SIRT1: variants seen among roughly 807,000 people sequenced by gnomAD.
SIRT1 encodes NAD-dependent protein deacetylase sirtuin-1.
A neutral mutation model predicts 67.9 loss-of-function variants in SIRT1; 24 were observed. The observed-to-expected ratio is 0.35, with a 90% CI of 0.26 to 0.50. SIRT1 has a LOEUF of 0.50. Ranked by LOEUF, SIRT1 falls within the 20% of genes least tolerant of loss-of-function variation. SIRT1 has a pLI of 0.98. For missense variants in SIRT1, 873 were observed against 937.2 expected, an observed-to-expected ratio of 0.93 and a Z score of 0.89; for synonymous variants, 378 against 350.7, an observed-to-expected ratio of 1.08 and a Z score of -0.87.
rs1053224730 is a variant in SIRT1 at position 67,884,852 on chromosome 10, T to A, written c.131T>A (p.Leu44His). The A allele has an allele frequency of 3.1e-4, 377 of 1,212,774 alleles. 1 individual carries two copies. Among genetic ancestry groups the A allele is most frequent in the Non-Finnish European group, 3.7e-4 (358 of 976,820 alleles). 75.1% of individuals were successfully genotyped at this position (1,212,774 alleles called of 1,614,324 possible). ...RKRPRRDGPG[L>H]ERSPGEPGGA... ...AGGCCGCGGAGAGATGGTCCCGGCCTCGAGCGGAGCCCGGGCGAGCCCGGT... is the reference window on the plus strand; with the variant it reads ...AGGCCGCGGAGAGATGGTCCCGGCCACGAGCGGAGCCCGGGCGAGCCCGGT... The change falls in exon 1 of 9, where the codon CTC (leucine) becomes CAC (histidine). Residue 44 changes from leucine (L) to histidine (H), a missense_variant. Physicochemically the swap from Leu to His is moderately conservative, Grantham distance 99 (BLOSUM62 -3). Around this residue, in one of 3 missense-constraint regions of SIRT1, gnomAD observed 327 missense variants for 283.9 expected, o/e 1.15. Coordinates refer to ENST00000212015, the MANE Select transcript of SIRT1 (RefSeq NM_012238.5).
chr10:67,905,175 T>TA (rs1355174533), intron 4 of SIRT1, among the ~76,000 whole-genome samples: 6 of 152,330 alleles, frequency 3.9e-5, no homozygotes, highest in African/African-American at 1.2e-4. Flanking sequence ...GTGCCTAAAA[T>TA]ACTCTAAAAG....
chr10:67,887,822 C>T (rs1437700253), intron 2 of SIRT1, among the ~76,000 whole-genome samples: 15 of 152,294 alleles, frequency 9.8e-5, no homozygotes, highest in South Asian at 2.1e-4. Context: ...GTGATCCGTC[C>T]GCCTGGGCCT....
chr10:67,904,127 G>T (rs12765828), intron 4 of SIRT1, among the ~76,000 whole-genome samples: 103,668 of 140,786 alleles, frequency 0.74, 40,548 homozygotes, highest in Non-Finnish European at 0.88. Context: ...TTTTTTGTTT[G>T]TTTTTTTTTT....
chr10:67,907,392 G>T (rs1842835634), intron 5 of SIRT1, among the ~76,000 whole-genome samples: 2 of 151,724 alleles, frequency 1.3e-5, no homozygotes, highest in South Asian at 4.1e-4. Flanking sequence ...CTACTCAGGA[G>T]GCTGAGGCAC....
In SIRT1 at chr10:67,891,510, G is replaced by A. The variant is rs1842573408; in HGVS notation, c.898G>A (p.Glu300Lys). The A allele has an allele frequency of 6.2e-7, 1 of 1,614,134 alleles. No homozygotes were observed. The highest frequency in any genetic ancestry group is 2.2e-5 in the East Asian group (1 of 44,868). The part of the protein sequence containing the change: ...LPDPQAMFDI[E>K]YFRKDPRPFF... ...AGATCCTCAAGCGATGTTTGATATT[G>A]AATATTTCAGAAAAGATCCAAGACC... is the stretch of plus-strand genomic sequence containing the variant. The change falls in exon 4 of 9, where the codon GAA (glutamate) becomes AAA (lysine). Residue 300 changes from glutamate (E) to lysine (K), a missense_variant. Physicochemically the swap from Glu to Lys is moderately conservative, Grantham distance 56 (BLOSUM62 1). Coordinates refer to ENST00000212015, the MANE Select transcript of SIRT1 (RefSeq NM_012238.5).
intron 4 of SIRT1, among the ~76,000 whole-genome samples, chr10:67,901,500 C>T (rs141708545): frequency 6.6e-6 from 1 of 152,116 alleles, no homozygotes. Context: ...TAAGGTAGGG[C>T]CTGGTAGTAA....
intron 8 of SIRT1, among the ~76,000 whole-genome samples, chr10:67,914,590 A>C (rs16924945): frequency 2.0e-5 from 3 of 152,178 alleles, no homozygotes; most frequent in African/African-American, 7.2e-5. Flanking sequence ...TACAAAGTCT[A>C]CCTATGCACT....
chr10:67,885,952 T>C (rs1481992804), intron 1 of SIRT1, among the ~76,000 whole-genome samples: 1 of 143,158 alleles, frequency 7.0e-6, no homozygotes, highest in Non-Finnish European at 1.5e-5. Flanking sequence ...TTTTTTTTTT[T>C]TTTTTTTTTT....
chr10:67,916,049 G>A (rs2029901533), intron 8 of SIRT1, among the ~76,000 whole-genome samples: 1 of 152,112 alleles, frequency 6.6e-6, no homozygotes, highest in Non-Finnish European at 1.5e-5. Context: ...GCTGGCCCTT[G>A]AACTCCTGGG....
At chr10:67,890,597 C>A (rs1290035502) in intron 3 of SIRT1, among the ~76,000 whole-genome samples, 4 of 151,802 alleles carry the variant, frequency 2.6e-5, no homozygotes, top group Admixed American at 2.6e-4. Flanking sequence ...GCCTGGTGTG[C>A]TGGTGCGTAC....
chr10:67,900,510 T>C (rs922592629), intron 4 of SIRT1, among the ~76,000 whole-genome samples: 12 of 152,186 alleles, frequency 7.9e-5, no homozygotes, highest in Non-Finnish European at 1.5e-4. Context: ...TAGTGTGATC[T>C]TACAGCTCAC....
chr10:67,904,375 A>G (rs1162493193), intron 4 of SIRT1, among the ~76,000 whole-genome samples: 1 of 151,436 alleles, frequency 6.6e-6, no homozygotes, highest in Non-Finnish European at 1.5e-5. Context: ...GGTCTCAAGT[A>G]ACCTGCCCGC....
intron 4 of SIRT1, among the ~76,000 whole-genome samples, chr10:67,903,848 A>G (rs773158003): frequency 1.4e-4 from 21 of 152,182 alleles, no homozygotes; most frequent in Admixed American, 6.5e-5. Flanking sequence ...CTCTTGGTCT[A>G]TAAGGATCCC....
chr10:67,887,665 C>A, intron 2 of SIRT1, 132 bp downstream of exon 2: 1 of 546,882 alleles, frequency 1.8e-6, no homozygotes, highest in Non-Finnish European at 3.3e-6. Context: ...TACCCTCCGC[C>A]TTCCAGGTTC....
rs567909186 is a variant in SIRT1, at chr10:67,890,160, A to G, written c.789+1037A>G. 7.2e-5 allele frequency among the ~76,000 whole-genome samples: 11 copies of G among 151,964 alleles called. No individual in the cohort carries two copies. In the South Asian group the frequency reaches 1.5e-3, roughly 20 times the overall value. On this transcript the variant is annotated intron_variant, in intron 3 of 8. Coordinates refer to ENST00000212015, the MANE Select transcript of SIRT1 (RefSeq NM_012238.5). The stretch of plus-strand genomic sequence containing the variant: ...AACCTCTGCCTCCTGGGTTCAAGCA[A>G]TTCTCTTGCCTCAGCCTCCTGAGTA...
chr10:67,893,630 C>CACTTCCCG (rs1310987617), intron 4 of SIRT1, among the ~76,000 whole-genome samples: 1 of 151,530 alleles, frequency 6.6e-6, no homozygotes, highest in Non-Finnish European at 1.5e-5. Context: ...ATACAACCTC[C>CACTTCCCG]ACTTCCCGAG....
chr10:67,887,549 GTTAATT>G lies in SIRT1; in HGVS notation c.547+20_547+25del, dbSNP rs1287797692. The G allele has an allele frequency of 6.7e-7, 1 of 1,498,760 alleles. No homozygotes were observed. Among genetic ancestry groups the G allele is most frequent in the East Asian group, 2.3e-5 (1 of 44,112 alleles). The allele number at this position is 1,498,760 out of a possible 1,614,324, so 92.8% of individuals were successfully genotyped here. ...CCACGGATAGGTATGGCTCAGAGCTGTTAATTTTAGAGAGTAAATGTACGGTTTTTG... is the reference window on the plus strand; with the variant it reads ...CCACGGATAGGTATGGCTCAGAGCTGTTAGAGAGTAAATGTACGGTTTTTG... On this transcript the variant is annotated intron_variant, in intron 2 of 8. Coordinates refer to ENST00000212015, the MANE Select transcript of SIRT1 (RefSeq NM_012238.5).
intron 3 of SIRT1, among the ~76,000 whole-genome samples, chr10:67,889,890 T>G (rs1188507562): frequency 1.3e-5 from 2 of 152,210 alleles, no homozygotes; most frequent in African/African-American, 4.8e-5. Context: ...CAATAACTTC[T>G]GAAATCTCTA....
Position 67,912,538 on chromosome 10 carries a change from T to C in SIRT1, c.1422T>C (p.Phe474=). The change falls in exon 8 of 9, where the codon TTT becomes TTC. Residue 474 remains phenylalanine (F), a synonymous_variant. Coordinates refer to ENST00000212015, the MANE Select transcript of SIRT1 (RefSeq NM_012238.5). ...INREPLPHLH[F]DVELLGDCDV... ...GAGAACCTTTGCCTCATCTGCATTT[T>C]GATGTAGAGCTTCTTGGAGACTGTG... is the stretch of plus-strand genomic sequence containing the variant. 1 of 1,614,102 alleles carries C rather than the reference T, an allele frequency of 6.2e-7. No individual in the cohort carries two copies. Among genetic ancestry groups the C allele is most frequent in the South Asian group, 1.1e-5 (1 of 91,070 alleles).
Sources: allele counts gnomAD v4.1 joint callset (sites outside exome capture counted in the v4.1 genomes callset), GRCh38; gene constraint gnomAD v4.1.1; regional missense constraint gnomAD v4.1.1; transcripts MANE v1.5; gene names NCBI Gene and HGNC (gene_info 2026-07-23, HGNC 2026-07-21).